Variants in DLGAP2 observed in about 807,000 individuals in gnomAD.
The protein encoded by DLGAP2 is DLG associated protein 2, also known as disks large-associated protein 2.
A neutral mutation model predicts 100.3 loss-of-function variants in DLGAP2; 26 were observed. The observed-to-expected ratio is 0.26, with a 90% CI of 0.19 to 0.36. DLGAP2 has a LOEUF of 0.36. Among genes scored for constraint, DLGAP2 ranks in the 10% least tolerant of loss-of-function variants. The pLI, the probability that DLGAP2 is intolerant of heterozygous loss-of-function variation, is 1.00. For synonymous variants in DLGAP2, 886 were observed against 630.1 expected (o/e 1.41, Z -6.08); for missense variants, 1,858 against 1,453.2 (o/e 1.28, Z -4.53).
chr8:1,365,204 C>T (rs1264080114), intron 3 of DLGAP2, among the ~76,000 whole-genome samples: 1 of 152,156 alleles, frequency 6.6e-6, no homozygotes, highest in African/African-American at 2.4e-5. Flanking sequence ...TCACTTCTAC[C>T]CGGTCCACAC....
At chr8:1,312,544 G>A (rs941859559) in intron 3 of DLGAP2, among the ~76,000 whole-genome samples, 2 of 152,174 alleles carry the variant, frequency 1.3e-5, no homozygotes, top group African/African-American at 2.4e-5. Flanking sequence ...GGGGGAGAGG[G>A]AACGGGAGTT....
chr8:1,047,701 C>T (rs949287327), intron 2 of DLGAP2, among the ~76,000 whole-genome samples: 24 of 151,986 alleles, frequency 1.6e-4, no homozygotes, highest in African/African-American at 5.8e-4. Context: ...AAGGCCAAGG[C>T]GGGTCTCTGT....
At chr8:1,699,960 G>C (rs1449916533) in intron 14 of DLGAP2, among the ~76,000 whole-genome samples, 1 of 152,224 alleles carries the variant, frequency 6.6e-6, no homozygotes, top group African/African-American at 2.4e-5. Flanking sequence ...TATGAGGACA[G>C]TTATGTGCTG....
At chr8:757,955 G>C (rs1250730611) in intron 1 of DLGAP2, among the ~76,000 whole-genome samples, 1 of 152,218 alleles carries the variant, frequency 6.6e-6, no homozygotes, top group African/African-American at 2.4e-5. Context: ...GGGCAAGTGT[G>C]TGGGGTTGAG....
intron 2 of DLGAP2, among the ~76,000 whole-genome samples, chr8:1,044,678 A>G (rs1204117030): frequency 6.6e-6 from 1 of 152,176 alleles, no homozygotes; most frequent in African/African-American, 2.4e-5. Flanking sequence ...TTGCACTAAA[A>G]GACTAGAAGC....
intron 6 of DLGAP2, among the ~76,000 whole-genome samples, chr8:1,626,244 G>A (rs1334827722): frequency 2.2e-5 from 3 of 134,380 alleles, no homozygotes; most frequent in African/African-American, 9.0e-5. Flanking sequence ...TCTCTACCCT[G>A]CAGCGGGTGC....
intron 1 of DLGAP2, among the ~76,000 whole-genome samples, chr8:777,677 C>T (rs963894995): frequency 2.0e-5 from 3 of 152,048 alleles, no homozygotes; most frequent in African/African-American, 4.8e-5. Context: ...TGAATATTGG[C>T]CCCCACTCTC....
At chr8:1,330,889 A>G (rs1385623725) in intron 3 of DLGAP2, among the ~76,000 whole-genome samples, 1 of 146,356 alleles carries the variant, frequency 6.8e-6, no homozygotes, top group Admixed American at 6.8e-5. Context: ...CTTCACGGGG[A>G]CTGAGTTCTG....
intron 6 of DLGAP2, among the ~76,000 whole-genome samples, chr8:1,602,585 C>G (rs1465867430): frequency 3.9e-5 from 6 of 152,368 alleles, no homozygotes; most frequent in Admixed American, 6.5e-5. Context: ...TTCATTCAGA[C>G]CGTCCCAGGC....
intron 4 of DLGAP2, among the ~76,000 whole-genome samples, chr8:1,522,531 C>G (rs1319653819): frequency 1.3e-5 from 2 of 152,180 alleles, no homozygotes; most frequent in Non-Finnish European, 2.9e-5. Flanking sequence ...GGGCCCCCGG[C>G]CATCAGCAGA....
At chr8:1,672,165 G>C (rs1798704997) in intron 10 of DLGAP2, among the ~76,000 whole-genome samples, 3 of 152,096 alleles carry the variant, frequency 2.0e-5, no homozygotes, top group Non-Finnish European at 4.4e-5. Context: ...TCTGTCCCTG[G>C]TGCCTTGTGA....
intron 2 of DLGAP2, among the ~76,000 whole-genome samples, chr8:1,221,915 G>A (rs141203842): frequency 1.4e-3 from 220 of 152,250 alleles, no homozygotes; most frequent in African/African-American, 4.9e-3. Flanking sequence ...ATTGCATTCC[G>A]AAATTCCTGT....
chr8:962,075 G>C (rs537137473), intron 2 of DLGAP2, among the ~76,000 whole-genome samples: 9 of 152,224 alleles, frequency 5.9e-5, no homozygotes, highest in Non-Finnish European at 7.3e-5. Context: ...TCTAAGCTTA[G>C]CATTTGTAAA....
At chr8:845,284 C>T (rs545451057) in intron 1 of DLGAP2, among the ~76,000 whole-genome samples, 5 of 152,310 alleles carry the variant, frequency 3.3e-5, no homozygotes, top group African/African-American at 9.6e-5. Flanking sequence ...GTTCTGATTT[C>T]ATCAGATCCT....
intron 1 of DLGAP2, among the ~76,000 whole-genome samples, chr8:778,614 T>C (rs910019774): frequency 2.0e-5 from 3 of 152,140 alleles, no homozygotes; most frequent in Admixed American, 2.0e-4. Context: ...CCTGTGTCAG[T>C]GTACCCCTGT....
chr8:1,343,163 C>T (rs1008252249), intron 3 of DLGAP2, among the ~76,000 whole-genome samples: 20 of 152,256 alleles, frequency 1.3e-4, no homozygotes, highest in African/African-American at 4.8e-4. Flanking sequence ...TCAGGATATG[C>T]CAGAAGGACA....
At chr8:1,000,237 G>C (rs997331951) in intron 2 of DLGAP2, among the ~76,000 whole-genome samples, 2 of 151,750 alleles carry the variant, frequency 1.3e-5, no homozygotes, top group Non-Finnish European at 2.9e-5. Context: ...TCCAGGTGGG[G>C]GTGGTTTTCT....
intron 3 of DLGAP2, among the ~76,000 whole-genome samples, chr8:1,422,493 C>G (rs1253470518): frequency 1.3e-5 from 2 of 150,026 alleles, no homozygotes; most frequent in Non-Finnish European, 2.9e-5. Flanking sequence ...TCTTTAGAGA[C>G]TTAATGTAAA....
At chr8:1,142,163 T>C (rs1474508909) in intron 2 of DLGAP2, among the ~76,000 whole-genome samples, 1 of 152,158 alleles carries the variant, frequency 6.6e-6, no homozygotes, top group South Asian at 2.1e-4. Context: ...ATTTAAGGAT[T>C]TGAAGATCTT....
Sources: allele counts gnomAD v4.1 joint callset (sites outside exome capture counted in the v4.1 genomes callset), GRCh38; gene constraint gnomAD v4.1.1; transcripts MANE v1.5; gene names NCBI Gene and HGNC (gene_info 2026-07-23, HGNC 2026-07-21).